Variants in SULT1C3 observed in about 807,000 individuals in gnomAD.
The protein encoded by SULT1C3 is sulfotransferase 1C3.
A neutral mutation model predicts 28.4 loss-of-function variants in SULT1C3; 31 were observed. That is an observed-to-expected ratio of 1.09 (90% CI 0.82 to 1.47). The LOEUF is 1.47. SULT1C3 is among the 40% of genes most tolerant of loss of function. The probability of loss-of-function intolerance (pLI) is 0.00; values close to 1 mark genes in which losing one functional copy is unlikely to be tolerated. For synonymous variants in SULT1C3, 106 were observed against 92.2 expected (o/e 1.15, Z -0.86); for missense variants, 307 against 272.5 (o/e 1.13, Z -0.89).
At chr2:108,244,870 A>G (rs1675541602) in intron 1 of SULT1C3, among the ~76,000 whole-genome samples, 2 of 152,180 alleles carry the variant, frequency 1.3e-5, no homozygotes. Flanking sequence ...TGATTTTGCA[A>G]CACTTGCAAA....
At chr2:108,263,325 C>T (rs909030383), downstream of SULT1C3, among the ~76,000 whole-genome samples, 1 of 152,182 alleles carries the variant, frequency 6.6e-6, no homozygotes, top group Non-Finnish European at 1.5e-5. Flanking sequence ...ACATTTCAGC[C>T]TTTGCATAAG....
intron 4 of SULT1C3, among the ~76,000 whole-genome samples, chr2:108,254,327 T>C (rs1426650538): frequency 2.0e-5 from 3 of 152,018 alleles, no homozygotes; most frequent in Admixed American, 2.0e-4. Context: ...CTCAAGCATC[T>C]CCTCATCTTT....
At chr2:108,248,885 C>T (rs6542755) in intron 2 of SULT1C3, among the ~76,000 whole-genome samples, 119,889 of 152,104 alleles carry the variant, frequency 0.79, 48,144 homozygotes, top group African/African-American at 0.94. Flanking sequence ...ACTATCTTGA[C>T]GGACCCAGTG....
chr2:108,254,785 A>G (rs1206356089), intron 4 of SULT1C3, among the ~76,000 whole-genome samples: 3 of 151,008 alleles, frequency 2.0e-5, no homozygotes, highest in Non-Finnish European at 4.4e-5. Flanking sequence ...ATATATATGT[A>G]TATATGTATG....
intron 4 of SULT1C3, among the ~76,000 whole-genome samples, chr2:108,255,248 C>T (rs1429304440): frequency 6.6e-6 from 1 of 151,898 alleles, no homozygotes; most frequent in Non-Finnish European, 1.5e-5. Context: ...GTCACTGGCT[C>T]CATGATTACT....
chr2:108,264,867 A>G, downstream of SULT1C3: 1 of 1,613,618 alleles, frequency 6.2e-7, no homozygotes, highest in Non-Finnish European at 8.5e-7. Flanking sequence ...GTTCCTGGAA[A>G]AAGACATATC....
At chr2:108,262,741 A>G (rs1676051254), downstream of SULT1C3, among the ~76,000 whole-genome samples, 1 of 152,186 alleles carries the variant, frequency 6.6e-6, no homozygotes, top group South Asian at 2.1e-4. Flanking sequence ...AGTTTGCCCC[A>G]TGGCCTCCCC....
At chr2:108,255,884 G>A (rs1004811135) in intron 5 of SULT1C3, among the ~76,000 whole-genome samples, 186 bp downstream of exon 5, 1 of 151,982 alleles carries the variant, frequency 6.6e-6, no homozygotes, top group African/African-American at 2.4e-5. Flanking sequence ...TGTAAATTGA[G>A]GTCAACTGGG....
downstream of SULT1C3, among the ~76,000 whole-genome samples, chr2:108,263,260 G>C (rs1573229197): frequency 6.6e-6 from 1 of 152,044 alleles, no homozygotes; most frequent in South Asian, 2.1e-4. Flanking sequence ...TTATTATTTT[G>C]TCATGTTGTA....
downstream of SULT1C3, chr2:108,264,991 CT>C (rs774679584): frequency 1.2e-6 from 2 of 1,610,328 alleles, no homozygotes; most frequent in Middle Eastern, 1.7e-4. Flanking sequence ...TCCATCTCCC[CT>C]TTTATGAGGA....
intron 4 of SULT1C3, among the ~76,000 whole-genome samples, chr2:108,254,800 C>CAT (rs1296281341): frequency 6.8e-6 from 1 of 146,628 alleles, no homozygotes; most frequent in Non-Finnish European, 1.5e-5. Flanking sequence ...TGTATGTATG[C>CAT]ATATATATGT....
At position 108,253,738 on chromosome 2, in the gene SULT1C3, GA is replaced by G. The variant is rs1020841809; in HGVS notation, c.399+299del. On this transcript the variant is annotated intron_variant, in intron 4 of 7. Coordinates refer to ENST00000681802, the MANE Select transcript of SULT1C3 (RefSeq NM_001320878.2). The stretch of plus-strand genomic sequence containing the variant: ...AGTGTATTGGGAGCTAGAATGGAGG[GA>G]AACACATTTAAAAATAAAACCCTGT... Among the ~76,000 whole-genome samples, 11 of 152,008 alleles carry G rather than the reference GA, an allele frequency of 7.2e-5. 1 individual carries two copies. In the South Asian group the frequency reaches 2.3e-3, roughly 32 times the overall value.
Position 108,255,557 on chromosome 2 carries a change from T to G in SULT1C3, c.400-15T>G. ...TTTTTCTCTCCATGGCTTCCTTCCC[T>G]CTCCTTGATTTCAGATTGTCTATGT... On this transcript the variant is annotated splice_polypyrimidine_tract_variant and intron_variant, in intron 4 of 7. Transcript: ENST00000681802. The G allele has an allele frequency of 6.2e-7, 1 of 1,608,548 alleles. No homozygotes were observed. Among genetic ancestry groups the G allele is most frequent in the Non-Finnish European group, 8.5e-7 (1 of 1,177,126 alleles).
At chr2:108,252,010 A>G (rs901299267) in intron 2 of SULT1C3, among the ~76,000 whole-genome samples, 1 of 152,078 alleles carries the variant, frequency 6.6e-6, no homozygotes, top group Non-Finnish European at 1.5e-5. Context: ...GGTTCACTCA[A>G]ACATGATAGT....
intron 1 of SULT1C3, among the ~76,000 whole-genome samples, chr2:108,243,279 G>A (rs2104381352): frequency 6.6e-6 from 1 of 152,252 alleles, no homozygotes; most frequent in East Asian, 1.9e-4. Flanking sequence ...CCAACTTTGG[G>A]AGGAACCTGG....
chr2:108,264,583 G>A (rs1451951829), downstream of SULT1C3, among the ~76,000 whole-genome samples: 1 of 152,164 alleles, frequency 6.6e-6, no homozygotes, highest in African/African-American at 2.4e-5. Context: ...GATTGTTTGT[G>A]TTTATGCTTA....
At chr2:108,250,484 T>G (rs1408590492) in intron 2 of SULT1C3, among the ~76,000 whole-genome samples, 3 of 151,944 alleles carry the variant, frequency 2.0e-5, no homozygotes, top group African/African-American at 4.8e-5. Context: ...GTACTAATGT[T>G]GAACAGTTTG....
chr2:108,254,041 C>G (rs1675800646), intron 4 of SULT1C3, among the ~76,000 whole-genome samples: 1 of 151,992 alleles, frequency 6.6e-6, no homozygotes, highest in Admixed American at 6.6e-5. Flanking sequence ...GTCAGCCTGC[C>G]TCTAGACCTG....
chr2:108,257,399 A>G (rs537218388), intron 5 of SULT1C3, among the ~76,000 whole-genome samples: 33 of 152,132 alleles, frequency 2.2e-4, no homozygotes, highest in African/African-American at 7.0e-4. Context: ...ACATTTATCT[A>G]TATGTACATA....
Sources: allele counts gnomAD v4.1 joint callset (sites outside exome capture counted in the v4.1 genomes callset), GRCh38; gene constraint gnomAD v4.1.1; transcripts MANE v1.5; gene names NCBI Gene and HGNC (gene_info 2026-07-23, HGNC 2026-07-21).